AP3B1: variants seen among roughly 807,000 people sequenced by gnomAD.
AP3B1 encodes AP-3 complex subunit beta-1.
AP3B1 carries 61 observed loss-of-function variants against 132.5 expected under a neutral mutation model. The ratio of observed to expected loss-of-function variants is 0.46; its 90% confidence interval spans 0.37 to 0.57. The LOEUF is 0.57. Ranked by LOEUF, AP3B1 falls within the 20% of genes least tolerant of loss-of-function variation. AP3B1 has a pLI of 0.00. For missense variants in AP3B1, 1,120 were observed against 1,289.4 expected (o/e 0.87, Z 2.01); for synonymous variants, 388 against 438.3 (o/e 0.89, Z 1.43).
chr5:78,045,538 A>C (rs1024443983), intron 22 of AP3B1, among the ~76,000 whole-genome samples: 5 of 152,182 alleles, frequency 3.3e-5, no homozygotes, highest in African/African-American at 1.2e-4. Context: ...AGTGGGTTCC[A>C]TAAATACTTC....
intron 2 of AP3B1, among the ~76,000 whole-genome samples, chr5:78,266,762 C>T (rs1748339160): frequency 6.6e-6 from 1 of 152,060 alleles, no homozygotes; most frequent in South Asian, 2.1e-4. Flanking sequence ...AAGCAAAACT[C>T]CTGAGCATCA....
At chr5:78,071,378 G>A (rs537924730) in intron 22 of AP3B1, among the ~76,000 whole-genome samples, 1 of 152,214 alleles carries the variant, frequency 6.6e-6, no homozygotes, top group South Asian at 2.1e-4. Context: ...TGGACACAGG[G>A]AATGGAACAA....
At chr5:78,124,675 T>G (rs889931494) in intron 17 of AP3B1, among the ~76,000 whole-genome samples, 1 of 152,220 alleles carries the variant, frequency 6.6e-6, no homozygotes, top group Admixed American at 6.5e-5. Context: ...AATAAGATGC[T>G]TATATAAGAT....
At chr5:78,121,389 A>C (rs1030534500) in intron 17 of AP3B1, among the ~76,000 whole-genome samples, 6 of 152,218 alleles carry the variant, frequency 3.9e-5, no homozygotes, top group Non-Finnish European at 5.9e-5. Context: ...CCTTCAAAAA[A>C]ATCAATGAAT....
chr5:78,064,583 G>A (rs146748574), intron 22 of AP3B1, among the ~76,000 whole-genome samples: 3 of 152,120 alleles, frequency 2.0e-5, no homozygotes, highest in Admixed American at 2.0e-4. Context: ...GATGTGAGGA[G>A]GTAAATGTTA....
rs181084885 is a variant in AP3B1 at position 78,197,754 on chromosome 5, A to G, written c.787-16092T>C. Among the ~76,000 whole-genome samples, 485 of 152,344 alleles carry G rather than the reference A, an allele frequency of 3.2e-3. 2 individuals are homozygous for G. Among genetic ancestry groups the G allele is most frequent in the African/African-American group, 0.011 (462 of 41,580 alleles). ...ATTAATGACAGTTAAAACTGCCTAC[A>G]GCAAAATATTTTTATGTATAAAAAT... On this transcript the variant is annotated intron_variant, in intron 7 of 26. Transcript: ENST00000255194.
chr5:78,192,736 G>A (rs1015595752), intron 7 of AP3B1, among the ~76,000 whole-genome samples: 4 of 152,156 alleles, frequency 2.6e-5, no homozygotes, highest in Admixed American at 1.3e-4. Flanking sequence ...TCATGAAGAC[G>A]GAACTCTCAT....
intron 18 of AP3B1, among the ~76,000 whole-genome samples, chr5:78,115,269 CAG>C (rs1428020997): frequency 1.3e-5 from 2 of 152,010 alleles, no homozygotes; most frequent in East Asian, 1.9e-4. Flanking sequence ...ATAAGGAAGA[CAG>C]AGAAAAGAAG....
intron 14 of AP3B1, among the ~76,000 whole-genome samples, chr5:78,146,516 C>A (rs1017041950): frequency 3.9e-5 from 6 of 152,070 alleles, no homozygotes; most frequent in African/African-American, 1.4e-4. Flanking sequence ...CCAGATTTGT[C>A]TACTTTTGTT....
At chr5:78,077,178 C>T (rs867938067) in intron 22 of AP3B1, among the ~76,000 whole-genome samples, 2 of 152,018 alleles carry the variant, frequency 1.3e-5, no homozygotes, top group Non-Finnish European at 2.9e-5. Flanking sequence ...CCTCAGTGTA[C>T]CACTTTTGCA....
rs186020991 is a variant in AP3B1 at position 78,013,796 on chromosome 5, G to A, written c.3131+1614C>T. 2.5e-3 allele frequency among the ~76,000 whole-genome samples: 381 copies of A among 152,288 alleles called. 1 individual carries two copies. The highest frequency in any genetic ancestry group is 8.5e-3 in the African/African-American group (355 of 41,562). Reference sequence around the variant, plus strand: ...ATAAGTTGTATTTTTGTGGTGGTCTGTATCATGACCTTACATCCATTTTCT... The same window carrying A: ...ATAAGTTGTATTTTTGTGGTGGTCTATATCATGACCTTACATCCATTTTCT... On this transcript the variant is annotated intron_variant, in intron 26 of 26. Coordinates refer to ENST00000255194, the MANE Select transcript of AP3B1 (RefSeq NM_003664.5).
chr5:78,045,245 G>A lies in AP3B1; in HGVS notation c.2578-5971C>T, dbSNP rs185324002. Among the ~76,000 whole-genome samples, 419 of 152,120 alleles carry A rather than the reference G, an allele frequency of 2.8e-3. 11 individuals carry two copies. The highest frequency in any genetic ancestry group is 7.1e-4 in the Non-Finnish European group (48 of 67,996). ...AAAATGGAAAAATTAGCTGGGCGTGGTGGCATGCACCTGTAATTCCAGATA... is the reference window on the plus strand; with the variant it reads ...AAAATGGAAAAATTAGCTGGGCGTGATGGCATGCACCTGTAATTCCAGATA... On this transcript the variant is annotated intron_variant, in intron 22 of 26. Transcript: ENST00000255194.
intron 1 of AP3B1, among the ~76,000 whole-genome samples, chr5:78,282,160 C>T (rs1210716063): frequency 1.3e-5 from 2 of 152,124 alleles, no homozygotes; most frequent in Non-Finnish European, 2.9e-5. Context: ...GTCACCACCA[C>T]CAAGGTCACC....
chr5:78,116,032 T>C (rs1035451562), intron 18 of AP3B1, 94 bp downstream of exon 18: 5 of 914,790 alleles, frequency 5.5e-6, no homozygotes, highest in African/African-American at 3.3e-5. Flanking sequence ...CACTTAAAAC[T>C]ACCTGCTGAA....
At chr5:78,082,820 C>T (rs252756) in intron 22 of AP3B1, among the ~76,000 whole-genome samples, 1 of 151,656 alleles carries the variant, frequency 6.6e-6, no homozygotes, top group East Asian at 1.9e-4. Context: ...CCTTGGGAAC[C>T]CTTTTTTTTT....
At chr5:78,104,792 C>A (rs1751267227) in intron 20 of AP3B1, among the ~76,000 whole-genome samples, 1 of 152,114 alleles carries the variant, frequency 6.6e-6, no homozygotes, top group South Asian at 2.1e-4. Flanking sequence ...CCAGTCAAAT[C>A]CTAGTGACTG....
intron 23 of AP3B1, among the ~76,000 whole-genome samples, chr5:78,037,043 T>A (rs1028997770): frequency 1.3e-5 from 2 of 152,170 alleles, no homozygotes; most frequent in African/African-American, 4.8e-5. Flanking sequence ...AAAATTTGTC[T>A]AAGAATGACA....
intron 25 of AP3B1, 183 bp from the exon 26 acceptor site, chr5:78,015,731 T>C: frequency 6.7e-6 from 4 of 597,222 alleles, no homozygotes; most frequent in Non-Finnish European, 8.6e-6. Flanking sequence ...TTTTTTAAAA[T>C]CCTCATTGTA....
chr5:78,039,094 CT>C lies in AP3B1; in HGVS notation c.2757del (p.Ile919MetfsTer8), dbSNP rs2112100189. ...TTDRKIENIH[I>X]GEKKLPIGMK... ...ATGCCTATAGGAAGTTTTTTTTCCCCTATGTGGATATTTTCTATCTTTCGAT... is the reference window on the plus strand; with the variant it reads ...ATGCCTATAGGAAGTTTTTTTTCCCCATGTGGATATTTTCTATCTTTCGAT... On this transcript the variant is annotated frameshift_variant, in exon 23 of 27. Transcript: ENST00000255194. LOFTEE classifies it high-confidence loss of function. The C allele has an allele frequency of 6.2e-7, 1 of 1,610,810 alleles. No homozygotes were observed. The highest frequency in any genetic ancestry group is 1.1e-5 in the South Asian group (1 of 90,530).
Sources: allele counts gnomAD v4.1 joint callset (sites outside exome capture counted in the v4.1 genomes callset), GRCh38; gene constraint gnomAD v4.1.1; transcripts MANE v1.5; gene names NCBI Gene and HGNC (gene_info 2026-07-23, HGNC 2026-07-21).